ODF2L: variants seen among roughly 807,000 people sequenced by gnomAD.
ODF2L encodes protein BCAP.
Under a neutral mutation model 86.3 loss-of-function variants are expected in ODF2L, and 76 were observed. The ratio of observed to expected loss-of-function variants is 0.88; its 90% CI spans 0.73 to 1.07. ODF2L has a LOEUF of 1.07. Among genes scored for constraint, ODF2L ranks in the 50% least tolerant of loss-of-function variants. The pLI is 0.00. For synonymous variants in ODF2L, 241 were observed against 231.3 expected (o/e 1.04, Z -0.38); for missense variants, 748 against 717.4 (o/e 1.04, Z -0.49).
At chr1:86,376,092 T>C in intron 8 of ODF2L, 141 bp downstream of exon 8, 1 of 457,252 alleles carries the variant, frequency 2.2e-6, no homozygotes. Flanking sequence ...AGTAAAAGAT[T>C]AAAGCAAAAA....
downstream of ODF2L, chr1:86,346,972 T>C (rs1156527166): frequency 6.6e-6 from 1 of 152,226 alleles, no homozygotes; most frequent in Non-Finnish European, 1.5e-5. Flanking sequence ...TACCTAACCT[T>C]TCCATGTCTT....
chr1:86,358,607 C>T (rs1658771858), intron 13 of ODF2L, 180 bp downstream of exon 12: 1 of 308,242 alleles, frequency 3.2e-6, no homozygotes, highest in Non-Finnish European at 5.9e-6. Flanking sequence ...TTCACATAAA[C>T]AAACAACATT....
intron 8 of ODF2L, among the ~76,000 whole-genome samples, chr1:86,373,645 T>C (rs1221690551): frequency 6.6e-6 from 1 of 152,016 alleles, no homozygotes. Context: ...AGAGAGAAGA[T>C]GGTAACAAAC....
chr1:86,352,212 G>A lies in ODF2L; in HGVS notation c.1894-4C>T, dbSNP rs1434735645. 3.3e-6 allele frequency: 5 copies of A among 1,502,008 alleles called. No homozygotes were observed. The African/African-American group carries it at 7.1e-5, about 21-fold the overall frequency. 93.0% of individuals were successfully genotyped at this position (1,502,008 alleles called of 1,614,324 possible). A position where few individuals can be genotyped will look rare whatever the true frequency, so the allele number is the denominator to read the frequency against. ...GATTTCATGGAGTCTCTGGATCCTG[G>A]AAAAAACACAGTATCATTATTCTCT... On this transcript the variant is annotated splice_polypyrimidine_tract_variant and splice_region_variant and intron_variant, in intron 17 of 17. Coordinates refer to ENST00000317336, the Ensembl canonical transcript of ODF2L.
At chr1:86,362,271 A>AT (rs367986336) in intron 11 of ODF2L, among the ~76,000 whole-genome samples, 4,902 of 145,630 alleles carry the variant, frequency 0.034, 108 homozygotes, top group Middle Eastern at 0.082. Context: ...ATCTGACTAA[A>AT]TTTTTTTTTT....
At chr1:86,395,014 G>T (rs1365270669) in intron 1 of ODF2L, among the ~76,000 whole-genome samples, 2 of 151,872 alleles carry the variant, frequency 1.3e-5, no homozygotes, top group African/African-American at 4.8e-5. Context: ...ATAACTTTTT[G>T]TATTTGTTTT....
At chr1:86,356,363 C>G in intron 14 of ODF2L, 81 bp downstream of exon 13, 1 of 1,131,994 alleles carries the variant, frequency 8.8e-7, no homozygotes, top group Non-Finnish European at 1.2e-6. Flanking sequence ...CAAGCCCTGA[C>G]ATGAGTGCCC....
chr1:86,371,069 G>GTGAA lies in ODF2L; in HGVS notation c.1001_1004dup (p.Ile337LeufsTer3). 6.4e-7 allele frequency: 1 copy of GTGAA among 1,566,574 alleles called. No homozygotes were observed. The highest frequency in any genetic ancestry group is 8.7e-7 in the Non-Finnish European group (1 of 1,149,896). On this transcript the variant is annotated frameshift_variant, in exon 10 of 18. Coordinates refer to ENST00000317336, the Ensembl canonical transcript of ODF2L. LOFTEE classifies it high-confidence loss of function. The stretch of plus-strand genomic sequence containing the variant: ...GAGTTTCATTTTCATATTCAATTGA[G>GTGAA]TGAACTTTTCTAAGAATTTCTTCAC...
intron 9 of ODF2L, among the ~76,000 whole-genome samples, chr1:86,372,118 G>C (rs998147800): frequency 1.1e-4 from 16 of 151,780 alleles, no homozygotes; most frequent in African/African-American, 3.6e-4. Flanking sequence ...GAACCCAGGA[G>C]GCGGAGGTTG....
At chr1:86,358,118 G>A in intron 13 of ODF2L, 1 of 983,940 alleles carries the variant, frequency 1.0e-6, no homozygotes, top group Non-Finnish European at 1.2e-6. Flanking sequence ...AAGATAGGGA[G>A]CAACCCAGAG....
Position 86,370,940 on chromosome 1 carries a change from C to G in ODF2L, c.1056+78G>C, listed in dbSNP as rs115372207. ...ACAAGAGCACTGCTCTAAACATACT[C>G]TTTCTTCAAGCTATTTCTACTAAGT... On this transcript the variant is annotated intron_variant, in intron 10 of 17. Transcript: ENST00000317336. 2,258 of 927,288 alleles carry G rather than the reference C, an allele frequency of 2.4e-3. 41 individuals are homozygous for G. In the African/African-American group the frequency reaches 0.036, roughly 15 times the overall value. 57.4% of individuals were successfully genotyped at this position (927,288 alleles called of 1,614,324 possible). A position where few individuals can be genotyped will look rare whatever the true frequency, so the allele number is the denominator to read the frequency against.
intron 1 of ODF2L, among the ~76,000 whole-genome samples, chr1:86,387,864 T>C (rs1269439800): frequency 2.0e-5 from 3 of 152,160 alleles, no homozygotes; most frequent in East Asian, 1.9e-4. Flanking sequence ...TAAGGTTTTC[T>C]ACATTTTTTT....
At position 86,367,831 on chromosome 1, in the gene ODF2L, G is replaced by A. The variant is rs12037028; in HGVS notation, c.1143+805C>T. 0.011 allele frequency among the ~76,000 whole-genome samples: 1,684 copies of A among 152,170 alleles called. 67 individuals carry two copies. In the East Asian group the frequency reaches 0.11, roughly 10 times the overall value. On this transcript the variant is annotated intron_variant, in intron 11 of 17. Transcript: ENST00000317336. ...AGTGAACGTGGGGAGAACAGACAAA[G>A]AACAGAAAATATCCTTATTTTCCAA...
chr1:86,388,522 C>T (rs1054774975), intron 1 of ODF2L, among the ~76,000 whole-genome samples: 4 of 151,746 alleles, frequency 2.6e-5, no homozygotes, highest in African/African-American at 7.3e-5. Context: ...AATAATTGAA[C>T]GAAAACATTA....
chr1:86,352,905 CT>C lies in ODF2L; in HGVS notation c.1846del (p.Arg616GlufsTer14). ...TTGATTTTGTTCTTCATTTTTCTTTCTAAGCTCAGTTTCCAGATCTAATATT... is the reference window on the plus strand; with the variant it reads ...TTGATTTTGTTCTTCATTTTTCTTTCAAGCTCAGTTTCCAGATCTAATATT... On this transcript the variant is annotated frameshift_variant, in exon 17 of 18. Coordinates refer to ENST00000317336, the Ensembl canonical transcript of ODF2L. LOFTEE classifies it high-confidence loss of function. The C allele has an allele frequency of 6.4e-7, 1 of 1,555,002 alleles. No individual in the cohort carries two copies.
chr1:86,385,449 G>T lies in ODF2L; in HGVS notation c.246+9C>A. The T allele has an allele frequency of 1.3e-6, 2 of 1,535,780 alleles. No homozygotes were observed. The highest frequency in any genetic ancestry group is 1.8e-6 in the Non-Finnish European group (2 of 1,114,012). On this transcript the variant is annotated intron_variant, in intron 3 of 17. Transcript: ENST00000317336. Reference sequence around the variant, plus strand: ...TTTTCATTTTATTATATATTCATAAGTCACTCACATTTTCAAAATTAATCT... The same window carrying T: ...TTTTCATTTTATTATATATTCATAATTCACTCACATTTTCAAAATTAATCT...
chr1:86,347,543 A>T (rs1557990095), downstream of ODF2L: 1 of 152,204 alleles, frequency 6.6e-6, no homozygotes. Flanking sequence ...CTATTTTAAG[A>T]AAAATACTAC....
exon 2 of ODF2L, chr1:86,387,011 T>C (rs1290365732): frequency 6.4e-7 from 1 of 1,562,870 alleles, no homozygotes; most frequent in Non-Finnish European, 8.7e-7. Context: ...ACTTCCATCA[T>C]TTACAGCCTT....
intron 10 of ODF2L, among the ~76,000 whole-genome samples, 180 bp downstream of exon 10, chr1:86,370,838 G>T (rs1267286802): frequency 6.6e-6 from 1 of 152,158 alleles, no homozygotes; most frequent in Admixed American, 6.5e-5. Context: ...TTGAGGCAAA[G>T]AGACAGTCAA....
Sources: allele counts gnomAD v4.1 joint callset (sites outside exome capture counted in the v4.1 genomes callset), GRCh38; gene constraint gnomAD v4.1.1; transcripts MANE v1.5; gene names NCBI Gene and HGNC (gene_info 2026-07-23, HGNC 2026-07-21).